The following DNM1L variants were observed in gnomAD, a reference collection of about 807,000 sequenced individuals.
DNM1L encodes the protein dynamin 1L.
Under a neutral mutation model 92.8 loss-of-function variants are expected in DNM1L, and 33 were observed. The observed-to-expected ratio is 0.36, with a 90% CI of 0.27 to 0.48. DNM1L has a LOEUF of 0.48. Ranked by LOEUF, DNM1L falls within the 20% of genes least tolerant of loss-of-function variation. The pLI, the probability that DNM1L is intolerant of heterozygous loss-of-function variation, is 0.99. For missense variants in DNM1L, 485 were observed against 888.8 expected, an observed-to-expected ratio of 0.55 and a Z score of 5.78; for synonymous variants, 284 against 305.0, an observed-to-expected ratio of 0.93 and a Z score of 0.72.
At chr12:32,685,743 T>A (rs1951985099) in intron 1 of DNM1L, among the ~76,000 whole-genome samples, 1 of 151,998 alleles carries the variant, frequency 6.6e-6, no homozygotes, top group African/African-American at 2.4e-5. Flanking sequence ...CTTTTTTTTT[T>A]AAGCGCTAAA....
chr12:32,717,930 TTA>T lies in DNM1L; in HGVS notation c.620-702_620-701del, dbSNP rs575736324. Among the ~76,000 whole-genome samples, 103 of 80,244 alleles carry T rather than the reference TTA, an allele frequency of 1.3e-3. 4 individuals are homozygous for T. Among genetic ancestry groups the T allele is most frequent in the Middle Eastern group, 8.1e-3 (1 of 124 alleles). The allele number at this position is 80,244 out of a possible 152,430, so 52.6% of individuals were successfully genotyped here. A position where few individuals can be genotyped will look rare whatever the true frequency, so the allele number is the denominator to read the frequency against. On this transcript the variant is annotated intron_variant, in intron 6 of 19. Transcript: ENST00000549701. ...ATATATATAAAATATAGTATATATT[TTA>T]TATATATATAAAATATAGTATATAT... is the stretch of plus-strand genomic sequence containing the variant.
At chr12:32,695,216 AGC>A in intron 1 of DNM1L, among the ~76,000 whole-genome samples, 1 of 152,226 alleles carries the variant, frequency 6.6e-6, no homozygotes, top group South Asian at 2.1e-4. Context: ...AAGGCAGAGT[AGC>A]TATTCAGAGC....
At chr12:32,717,278 ATATATACACTATATATTT>A (rs1465747318) in intron 6 of DNM1L, among the ~76,000 whole-genome samples, 19 of 101,322 alleles carry the variant, frequency 1.9e-4, no homozygotes, top group Middle Eastern at 4.1e-3. Flanking sequence ...ACTATATATT[ATATATACACTATATATTT>A]TATATATACT....
chr12:32,722,305 C>A, intron 8 of DNM1L, 122 bp from the exon 9 acceptor site: 1 of 796,250 alleles, frequency 1.3e-6, no homozygotes, highest in Non-Finnish European at 2.1e-6. Context: ...ATATATTTCA[C>A]AGTATCACAT....
In DNM1L at chr12:32,744,960, T is replaced by G. The variant is rs757508506; in HGVS notation, c.*1550T>G. The G allele has an allele frequency of 5.8e-6, 3 of 518,712 alleles. No individual in the cohort carries two copies. In the Admixed American group the frequency reaches 5.8e-5, roughly 10 times the overall value. The allele number at this position is 518,712 out of a possible 1,614,324, so 32.1% of individuals were successfully genotyped here. On this transcript the variant is annotated 3_prime_UTR_variant, in exon 20 of 20. Coordinates refer to ENST00000549701, the MANE Select transcript of DNM1L (RefSeq NM_012062.5). The stretch of plus-strand genomic sequence containing the variant: ...ATTGCAGATATTACTTTTTTTTCAG[T>G]TTATGACCAGGTATTTATGAAGGAC...
chr12:32,707,560 C>T, intron 3 of DNM1L, 147 bp downstream of exon 3: 1 of 590,266 alleles, frequency 1.7e-6, no homozygotes, highest in Non-Finnish European at 2.8e-6. Flanking sequence ...AGTAACATTT[C>T]TAACCACAAT....
At chr12:32,695,634 G>A (rs1478668439) in intron 1 of DNM1L, among the ~76,000 whole-genome samples, 1 of 151,968 alleles carries the variant, frequency 6.6e-6, no homozygotes, top group Admixed American at 6.6e-5. Context: ...AGCTGGATGT[G>A]ATGGTGTATG....
chr12:32,711,940 TCATCCTTGA>T (rs1174997811), intron 5 of DNM1L, among the ~76,000 whole-genome samples: 1 of 152,190 alleles, frequency 6.6e-6, no homozygotes, highest in African/African-American at 2.4e-5. Context: ...GAGTTTGTAG[TCATCCTTGA>T]CACTAATTTA....
intron 1 of DNM1L, 134 bp downstream of exon 1, chr12:32,679,599 T>C: frequency 7.0e-7 from 1 of 1,432,910 alleles, no homozygotes; most frequent in Admixed American, 2.5e-5. Context: ...AGGGCCTTGC[T>C]GGGGGCCCCA....
At chr12:32,691,107 GT>G (rs955822170) in intron 1 of DNM1L, among the ~76,000 whole-genome samples, 5 of 152,136 alleles carry the variant, frequency 3.3e-5, no homozygotes, top group Non-Finnish European at 7.4e-5. Context: ...GTGTCAGCAG[GT>G]TTGGTTTCTT....
intron 1 of DNM1L, among the ~76,000 whole-genome samples, chr12:32,684,612 G>A (rs1038920336): frequency 3.3e-5 from 5 of 152,200 alleles, no homozygotes; most frequent in South Asian, 2.1e-4. Flanking sequence ...GATTACAGGC[G>A]CGTGCTACCG....
chr12:32,740,762 C>A (rs993444874), intron 18 of DNM1L, among the ~76,000 whole-genome samples: 9 of 152,120 alleles, frequency 5.9e-5, no homozygotes, highest in African/African-American at 1.4e-4. Flanking sequence ...ATCTGGCTGC[C>A]ACATTTTGAG....
chr12:32,732,458 A>T, intron 12 of DNM1L: 1 of 454,096 alleles, frequency 2.2e-6, no homozygotes, highest in Middle Eastern at 3.4e-4. Context: ...GAAATATGGG[A>T]TAAGCATTTA....
At chr12:32,729,698 G>A (rs1236369513) in intron 9 of DNM1L, among the ~76,000 whole-genome samples, 1 of 152,162 alleles carries the variant, frequency 6.6e-6, no homozygotes, top group African/African-American at 2.4e-5. Flanking sequence ...GACCTCAGGT[G>A]ATCTGCCCAC....
chr12:32,722,027 T>C (rs934001099), intron 8 of DNM1L, among the ~76,000 whole-genome samples: 1 of 152,230 alleles, frequency 6.6e-6, no homozygotes, highest in Admixed American at 6.5e-5. Context: ...AACCTTCATG[T>C]GTTCAACTCT....
intron 9 of DNM1L, among the ~76,000 whole-genome samples, chr12:32,723,916 C>T (rs1953938693): frequency 6.6e-6 from 1 of 152,154 alleles, no homozygotes; most frequent in African/African-American, 2.4e-5. Flanking sequence ...ACAATGTGTT[C>T]ACATTCCAAG....
At chr12:32,693,946 C>T (rs1952331597) in intron 1 of DNM1L, among the ~76,000 whole-genome samples, 1 of 151,710 alleles carries the variant, frequency 6.6e-6, no homozygotes, top group Non-Finnish European at 1.5e-5. Context: ...GCCTTTCCAT[C>T]ACCTTTAAAC....
intron 1 of DNM1L, among the ~76,000 whole-genome samples, chr12:32,698,320 GA>G (rs1427500378): frequency 6.6e-6 from 1 of 152,106 alleles, no homozygotes; most frequent in African/African-American, 2.4e-5. Flanking sequence ...GGAAAGAGGA[GA>G]AAAAAAGTCC....
intron 1 of DNM1L, among the ~76,000 whole-genome samples, chr12:32,699,391 A>T (rs2137291049): frequency 6.6e-6 from 1 of 152,360 alleles, no homozygotes; most frequent in Non-Finnish European, 1.5e-5. Context: ...ACTAATAAGA[A>T]ATATATAAAA....
Sources: gnomAD v4.1 joint callset for allele counts (sites outside exome capture counted in the v4.1 genomes callset) on GRCh38, gnomAD v4.1.1 for gene constraint, MANE v1.5 for transcripts, NCBI Gene and HGNC (gene_info 2026-07-23, HGNC 2026-07-21) for gene names.